Variants in IGFBP2 observed in about 807,000 individuals in gnomAD.
IGFBP2 encodes insulin-like growth factor-binding protein 2.
IGFBP2 carries 12 observed loss-of-function variants against 26.2 expected under a neutral mutation model. The ratio of observed to expected loss-of-function variants is 0.46; its 90% confidence interval spans 0.29 to 0.74. The LOEUF (loss-of-function observed/expected upper bound fraction) is 0.74, where lower values mean the gene tolerates loss of function less well. IGFBP2 is among the 30% of genes least tolerant of loss of function. IGFBP2 has a pLI of 0.09. For synonymous variants in IGFBP2, 189 were observed against 200.6 expected (o/e 0.94, Z 0.49); for missense variants, 328 against 441.2 (o/e 0.74, Z 2.30).
intron 1 of IGFBP2, among the ~76,000 whole-genome samples, chr2:216,657,462 G>T (rs1476497149): frequency 6.6e-6 from 1 of 152,196 alleles, no homozygotes; most frequent in Non-Finnish European, 1.5e-5. Flanking sequence ...TCTGAAGAGG[G>T]AAGGGGGGCT....
intron 1 of IGFBP2, among the ~76,000 whole-genome samples, chr2:216,644,971 A>G (rs1449267844): frequency 6.6e-6 from 1 of 152,214 alleles, no homozygotes; most frequent in Non-Finnish European, 1.5e-5. Flanking sequence ...TTCCCTGGGA[A>G]GTAGTAATTA....
intron 1 of IGFBP2, among the ~76,000 whole-genome samples, chr2:216,635,530 C>G (rs1697478386): frequency 6.6e-6 from 1 of 152,148 alleles, no homozygotes; most frequent in African/African-American, 2.4e-5. Flanking sequence ...TTTTGAAAGG[C>G]CTCTAAGTTC....
chr2:216,647,750 G>T (rs1413162745), intron 1 of IGFBP2, among the ~76,000 whole-genome samples: 1 of 152,282 alleles, frequency 6.6e-6, no homozygotes, highest in East Asian at 1.9e-4. Context: ...TCGATTTGCT[G>T]ACCTCGTGAT....
At chr2:216,660,979 T>C (rs1019147498) in intron 2 of IGFBP2, 193 bp downstream of exon 2, 2 of 592,762 alleles carry the variant, frequency 3.4e-6, no homozygotes, top group Non-Finnish European at 6.0e-6. Flanking sequence ...TGAAATAGAC[T>C]GGACATGTGG....
intron 1 of IGFBP2, among the ~76,000 whole-genome samples, chr2:216,641,708 TAGAC>T (rs1167699835): frequency 7.7e-5 from 11 of 143,160 alleles, no homozygotes; most frequent in Admixed American, 2.1e-4. Context: ...TTTTTTTTTT[TAGAC>T]AGAGTCTTGC....
intron 1 of IGFBP2, among the ~76,000 whole-genome samples, chr2:216,648,975 C>A (rs561324041): frequency 6.6e-6 from 1 of 152,184 alleles, no homozygotes; most frequent in African/African-American, 2.4e-5. Context: ...TGTAATAACA[C>A]AAGTCTACCA....
At chr2:216,654,191 A>G (rs1574563769) in intron 1 of IGFBP2, among the ~76,000 whole-genome samples, 1 of 152,162 alleles carries the variant, frequency 6.6e-6, no homozygotes, top group Admixed American at 6.5e-5. Flanking sequence ...AAGAGGATAT[A>G]TGGGAAGAAC....
At chr2:216,635,282 T>G (rs372106950) in intron 1 of IGFBP2, among the ~76,000 whole-genome samples, 1 of 152,116 alleles carries the variant, frequency 6.6e-6, no homozygotes, top group Non-Finnish European at 1.5e-5. Context: ...CTCAGTCCCT[T>G]TCTTCTCCCT....
intron 1 of IGFBP2, among the ~76,000 whole-genome samples, chr2:216,639,994 C>A (rs996333470): frequency 1.3e-5 from 2 of 152,050 alleles, no homozygotes; most frequent in African/African-American, 4.8e-5. Flanking sequence ...TTCGTCTCAG[C>A]CTTTCTCTGT....
rs1270418570 is a variant in IGFBP2 at position 216,633,556 on chromosome 2, G to A, written c.33G>A (p.Pro11=). 1 of 982,010 alleles carries A rather than the reference G, an allele frequency of 1.0e-6. No individual in the cohort carries two copies. The allele number at this position is 982,010 out of a possible 1,614,324, so 60.8% of individuals were successfully genotyped here. A position where few individuals can be genotyped will look rare whatever the true frequency, so the allele number is the denominator to read the frequency against. The change falls in exon 1 of 4, where the codon CCG becomes CCA. Residue 11 remains proline (P), a synonymous_variant. Transcript: ENST00000233809. MLPRVGCPAL[P]LPPPPLLPLL... ...CGAGAGTGGGCTGCCCCGCGCTGCC[G>A]CTGCCGCCGCCGCCGCTGCTGCCGC...
At chr2:216,644,734 T>TTTTATA (rs1476960913) in intron 1 of IGFBP2, among the ~76,000 whole-genome samples, 1 of 152,208 alleles carries the variant, frequency 6.6e-6, no homozygotes, top group African/African-American at 2.4e-5. Flanking sequence ...TTTTTGTTTG[T>TTTTATA]TTTATATTCT....
chr2:216,660,491 C>A, intron 1 of IGFBP2, 66 bp from the exon 2 acceptor site: 2 of 1,247,678 alleles, frequency 1.6e-6, no homozygotes. Context: ...GTCCAGGTGG[C>A]TCCCGGAGGG....
chr2:216,647,617 TTG>T (rs1316155872), intron 1 of IGFBP2, among the ~76,000 whole-genome samples: 21 of 152,310 alleles, frequency 1.4e-4, no homozygotes, highest in African/African-American at 3.1e-4. Context: ...CCTCCCGGGT[TTG>T]CACCATTCTC....
At chr2:216,634,556 T>C (rs573404781) in intron 1 of IGFBP2, among the ~76,000 whole-genome samples, 60 of 152,290 alleles carry the variant, frequency 3.9e-4, no homozygotes, top group African/African-American at 1.4e-3. Flanking sequence ...TATTTCTCCA[T>C]AGGGAACGAG....
intron 1 of IGFBP2, among the ~76,000 whole-genome samples, chr2:216,657,354 TG>T (rs1697939055): frequency 6.6e-6 from 1 of 152,230 alleles, no homozygotes; most frequent in East Asian, 1.9e-4. Flanking sequence ...GAAAGTTGAC[TG>T]AACCTGATCT....
intron 1 of IGFBP2, among the ~76,000 whole-genome samples, chr2:216,634,892 CTT>C (rs1191096035): frequency 4.2e-5 from 1 of 23,766 alleles, no homozygotes; most frequent in Non-Finnish European, 1.2e-4. Flanking sequence ...AAGGAGGTTA[CTT>C]TTTTTTTTTT....
chr2:216,636,733 T>G (rs553868331), intron 1 of IGFBP2, among the ~76,000 whole-genome samples: 35 of 152,256 alleles, frequency 2.3e-4, no homozygotes, highest in Admixed American at 1.6e-3. Flanking sequence ...TCCAGGCCCT[T>G]TCAGAATTAA....
intron 1 of IGFBP2, among the ~76,000 whole-genome samples, chr2:216,652,256 C>G (rs1049638594): frequency 1.8e-4 from 27 of 151,758 alleles, no homozygotes; most frequent in African/African-American, 6.5e-4. Flanking sequence ...TCACTGCAAC[C>G]TCCGCTTCCC....
At chr2:216,652,827 C>T (rs937419999) in intron 1 of IGFBP2, among the ~76,000 whole-genome samples, 1 of 152,180 alleles carries the variant, frequency 6.6e-6, no homozygotes, top group African/African-American at 2.4e-5. Flanking sequence ...TTCCCCTGGC[C>T]CATTACTCAG....
Sources: gnomAD v4.1 joint callset for allele counts (sites outside exome capture counted in the v4.1 genomes callset) on GRCh38, gnomAD v4.1.1 for gene constraint, MANE v1.5 for transcripts, NCBI Gene and HGNC (gene_info 2026-07-23, HGNC 2026-07-21) for gene names.